The following ENOX2 variants were observed in gnomAD, a reference collection of about 807,000 sequenced individuals.
ENOX2 encodes the protein APK1 antigen.
ENOX2 carries 36 observed loss-of-function variants against 45.0 expected under a neutral mutation model. The ratio of observed to expected loss-of-function variants is 0.80; its 90% CI spans 0.61 to 1.06. The LOEUF (loss-of-function observed/expected upper bound fraction) is 1.06. Among genes scored for constraint, ENOX2 ranks in the 50% least tolerant of loss-of-function variants. ENOX2 has a pLI of 0.00. For synonymous variants in ENOX2, 174 were observed against 152.3 expected, an observed-to-expected ratio of 1.14 and a Z score of -1.05; for missense variants, 423 against 462.5, an observed-to-expected ratio of 0.91 and a Z score of 0.78.
At position 130,829,537 on chromosome X, in the gene ENOX2, A is replaced by C. The variant is rs5977382; in HGVS notation, c.-182-45847T>G. Among the ~76,000 whole-genome samples the C allele has an allele frequency of 6.8e-3, 754 of 111,696 alleles. 9 individuals are homozygous for C. The highest frequency in any genetic ancestry group is 0.023 in the African/African-American group (709 of 30,765). ...TCTAAATAGGGTGTTAGGGGTATGC[A>C]TGCCTGTAAGCATAAGGAATTCCAA... On this transcript the variant is annotated intron_variant, in intron 2 of 14. Transcript: ENST00000394363.
At chrX:130,705,630 AC>A (rs1283448043) in intron 3 of ENOX2, among the ~76,000 whole-genome samples, 1 of 111,275 alleles carries the variant, frequency 9.0e-6, no homozygotes, top group Non-Finnish European at 1.9e-5. Context: ...CTCCCCTAAC[AC>A]CCATCTCCAC....
chrX:130,691,702 T>C (rs1259019980), intron 4 of ENOX2, among the ~76,000 whole-genome samples: 1 of 112,629 alleles, frequency 8.9e-6, no homozygotes, highest in Non-Finnish European at 1.9e-5. Context: ...ACTGAAATGT[T>C]TGTCTTCCTT....
At chrX:130,860,974 C>T (rs995091971) in intron 2 of ENOX2, among the ~76,000 whole-genome samples, 9 of 111,719 alleles carry the variant, frequency 8.1e-5, no homozygotes, top group African/African-American at 2.3e-4. Flanking sequence ...CCTAAACAGA[C>T]ATCTATAAAA....
chrX:130,679,827 C>T, intron 5 of ENOX2, 79 bp from the exon 6 acceptor site: 1 of 778,478 alleles, frequency 1.3e-6, no homozygotes, highest in South Asian at 2.3e-5. Context: ...CATTTCCCTG[C>T]TATCCCTGTC....
In ENOX2 at chrX:130,782,841, G is replaced by GA. The variant is rs371965729; in HGVS notation, c.-39+705dup. Among the ~76,000 whole-genome samples the GA allele has an allele frequency of 7.8e-3, 762 of 98,243 alleles. 5 individuals are homozygous for GA. The highest frequency in any genetic ancestry group is 0.021 in the African/African-American group (584 of 27,199). 85.3% of individuals were successfully genotyped at this position (98,243 alleles called of 115,157 possible). A position where few individuals can be genotyped will look rare whatever the true frequency, so the allele number is the denominator to read the frequency against. ...TCCTATGGTTTTCTCACTCCTTTTG[G>GA]AAAAAAAAAAAAAGAAACATTAAGA... On this transcript the variant is annotated intron_variant, in intron 3 of 14. Coordinates refer to ENST00000394363, the MANE Select transcript of ENOX2 (RefSeq NM_006375.4).
At chrX:130,631,694 G>C (rs1014435499) in intron 12 of ENOX2, 118 bp from the exon 13 acceptor site, 5 of 406,511 alleles carry the variant, frequency 1.2e-5, no homozygotes, top group African/African-American at 2.4e-5. Flanking sequence ...ATTCAATTTG[G>C]ATTACTGAAT....
At chrX:130,867,503 T>C (rs2078509388) in intron 2 of ENOX2, among the ~76,000 whole-genome samples, 1 of 111,675 alleles carries the variant, frequency 9.0e-6, no homozygotes, top group Non-Finnish European at 1.9e-5. Context: ...TACAACATTA[T>C]TCATTGATCA....
At chrX:130,645,791 T>G in intron 10 of ENOX2, 1 of 814,527 alleles carries the variant, frequency 1.2e-6, no homozygotes, top group Non-Finnish European at 1.8e-6. Context: ...TCCTGGTCTT[T>G]GGGCTGTCGC....
intron 14 of ENOX2, 145 bp from the exon 15 acceptor site, chrX:130,625,590 G>A (rs2035522587): frequency 1.8e-6 from 1 of 549,821 alleles, no homozygotes; most frequent in South Asian, 4.0e-5. Context: ...GCGCATTTGT[G>A]TGTGTTGGCA....
chrX:130,765,420 A>C (rs1220776804), intron 3 of ENOX2, among the ~76,000 whole-genome samples: 2 of 111,218 alleles, frequency 1.8e-5, no homozygotes, highest in African/African-American at 6.5e-5. Context: ...ATGTAATCTC[A>C]AAATTATATG....
intron 6 of ENOX2, among the ~76,000 whole-genome samples, chrX:130,670,968 C>T (rs1194596086): frequency 9.0e-6 from 1 of 111,361 alleles, no homozygotes; most frequent in Non-Finnish European, 1.9e-5. Context: ...TAGATACTTC[C>T]ATAGGAATTT....
At chrX:130,645,287 A>G (rs1268658673) in intron 10 of ENOX2, among the ~76,000 whole-genome samples, 5 of 111,904 alleles carry the variant, frequency 4.5e-5, no homozygotes, top group Non-Finnish European at 7.5e-5. Context: ...GTGTAAGGGT[A>G]GACATAAATT....
At chrX:130,632,936 T>C (rs748402942) in intron 12 of ENOX2, among the ~76,000 whole-genome samples, 1 of 112,339 alleles carries the variant, frequency 8.9e-6, no homozygotes, top group Non-Finnish European at 1.9e-5. Context: ...CATTAAATGA[T>C]ACGGTAAGCC....
intron 4 of ENOX2, 44 bp downstream of exon 4, chrX:130,703,076 G>A: frequency 8.6e-7 from 1 of 1,157,191 alleles, no homozygotes; most frequent in Non-Finnish European, 1.2e-6. Flanking sequence ...TAACCACATG[G>A]TCAATAAAAA....
intron 2 of ENOX2, among the ~76,000 whole-genome samples, chrX:130,871,308 A>G (rs1031679138): frequency 1.8e-5 from 2 of 111,720 alleles, no homozygotes; most frequent in African/African-American, 3.3e-5. Flanking sequence ...GGAGAATACT[A>G]AACAAAGGAA....
chrX:130,694,452 A>G (rs1282886126), intron 4 of ENOX2, among the ~76,000 whole-genome samples: 1 of 111,369 alleles, frequency 9.0e-6, no homozygotes, highest in Non-Finnish European at 1.9e-5. Context: ...ACGTTCTACT[A>G]GGTGTACTAA....
At chrX:130,832,607 C>CT (rs1303590114) in intron 2 of ENOX2, among the ~76,000 whole-genome samples, 1 of 111,560 alleles carries the variant, frequency 9.0e-6, no homozygotes, top group African/African-American at 3.3e-5. Context: ...CCACCTCCCA[C>CT]TGATGTTCCA....
intron 2 of ENOX2, among the ~76,000 whole-genome samples, chrX:130,801,757 C>A (rs1464568761): frequency 8.9e-6 from 1 of 111,848 alleles, no homozygotes; most frequent in Non-Finnish European, 1.9e-5. Context: ...CAAGTTATCA[C>A]CTCCGATTTT....
Position 130,769,146 on chromosome X carries a change from T to C in ENOX2, c.-39+14401A>G, listed in dbSNP as rs139280282. Among the ~76,000 whole-genome samples, 1,000 of 111,550 alleles carry C rather than the reference T, an allele frequency of 9.0e-3. 12 individuals carry two copies. Among genetic ancestry groups the C allele is most frequent in the African/African-American group, 0.031 (946 of 30,712 alleles). On this transcript the variant is annotated intron_variant, in intron 3 of 14. Transcript: ENST00000394363. ...GGGGAAGTATTTTCTTCTCAAGCCATGTTCAGCCTGCAACAGGAAGCCAAT... is the reference window on the plus strand; with the variant it reads ...GGGGAAGTATTTTCTTCTCAAGCCACGTTCAGCCTGCAACAGGAAGCCAAT...
Sources: gnomAD v4.1 joint callset for allele counts (sites outside exome capture counted in the v4.1 genomes callset) on GRCh38, gnomAD v4.1.1 for gene constraint, MANE v1.5 for transcripts, NCBI Gene and HGNC (gene_info 2026-07-23, HGNC 2026-07-21) for gene names.